The following KMT2B variants were observed in gnomAD, a reference collection of about 807,000 sequenced individuals.
The protein encoded by KMT2B is histone-lysine N-methyltransferase 2B.
In KMT2B, 22 loss-of-function variants were observed where a neutral mutation model predicts 255.3. The ratio of observed to expected loss-of-function variants is 0.09; its 90% confidence interval spans 0.06 to 0.12. KMT2B has a LOEUF of 0.12. KMT2B is among the 10% of genes least tolerant of loss of function. KMT2B has a pLI of 1.00. For synonymous variants in KMT2B, 1,730 were observed against 1,498.1 expected (o/e 1.15, Z -3.57); for missense variants, 3,149 against 3,737.0 (o/e 0.84, Z 4.10).
At position 35,721,141 on chromosome 19, in the gene KMT2B, G is replaced by A. The variant is rs1467273377; in HGVS notation, c.1794G>A (p.Glu598=). 6 of 1,601,086 alleles carry A rather than the reference G, an allele frequency of 3.7e-6. No individual in the cohort carries two copies. Among genetic ancestry groups the A allele is most frequent in the Admixed American group, 1.7e-5 (1 of 58,764 alleles). The change falls in exon 3 of 37, where the codon GAG becomes GAA. Residue 598 remains glutamate, a synonymous_variant. Transcript: ENST00000420124. ...TPPSTPVPLP[E]KRRSILREPT... is the part of the protein sequence containing the mutation. ...CATCTACCCCAGTTCCACTCCCTGA[G>A]AAGAGACGGTCCATCCTAAGGGAAC...
Position 35,725,948 on chromosome 19 carries a change from T to C in KMT2B, c.3885+130T>C, listed in dbSNP as rs1969421788. On this transcript the variant is annotated intron_variant, in intron 13 of 36. Coordinates refer to ENST00000420124, the MANE Select transcript of KMT2B (RefSeq NM_014727.3). The surrounding 1 kb of genome is among the most constrained non-coding windows in gnomAD (Gnocchi z 4.1). ...CCTCTTAAGAATTGATTAGTAATGT[T>C]TCCTCTTCAAAAATTTCACATAGGT... 2 of 782,928 alleles carry C rather than the reference T, an allele frequency of 2.6e-6. No homozygotes were observed. Among genetic ancestry groups the C allele is most frequent in the Non-Finnish European group, 4.2e-6 (2 of 476,356 alleles). 48.5% of individuals were successfully genotyped at this position (782,928 alleles called of 1,614,324 possible).
rs775613758 is a variant in KMT2B, at chr19:35,738,335, G to A, written c.7926G>A (p.Thr2642=). The change falls in exon 37 of 37, where the codon ACG becomes ACA. Residue 2642 remains threonine (T), a synonymous_variant. Transcript: ENST00000420124. This position sits in a 1 kb window ranked among gnomAD's most constrained non-coding sequence, Gnocchi z 8.7. ...RMDDFDVVDA[T]MHGNAARFIN... is the part of the protein sequence containing the mutation. ...ATGACTTTGATGTAGTGGACGCCAC[G>A]ATGCATGGCAATGCCGCCCGCTTCA... is the stretch of plus-strand genomic sequence containing the variant. The A allele has an allele frequency of 6.2e-6, 10 of 1,613,796 alleles. No individual in the cohort carries two copies. Among genetic ancestry groups the A allele is most frequent in the East Asian group, 4.5e-5 (2 of 44,888 alleles).
chr19:35,723,649 T>C lies in KMT2B; in HGVS notation c.3059-83T>C. On this transcript the variant is annotated intron_variant, in intron 7 of 36. Transcript: ENST00000420124. This position sits in a 1 kb window ranked among gnomAD's most constrained non-coding sequence, Gnocchi z 7.5. ...TTTCATAGCTCCTGCGTTCATTCCC[T>C]GCCCCGCTTCTTTCTGGCTTCTCTC... 1 of 1,347,472 alleles carries C rather than the reference T, an allele frequency of 7.4e-7. No individual in the cohort carries two copies. The highest frequency in any genetic ancestry group is 1.0e-6 in the Non-Finnish European group (1 of 992,994). 83.5% of individuals were successfully genotyped at this position (1,347,472 alleles called of 1,614,324 possible).
Position 35,725,650 on chromosome 19 carries a change from G to A in KMT2B, c.3789+25G>A, listed in dbSNP as rs199651836. 6.5e-5 allele frequency: 105 copies of A among 1,612,518 alleles called. 1 individual carries two copies. In the East Asian group the frequency reaches 2.3e-3, roughly 35 times the overall value. The stretch of plus-strand genomic sequence containing the variant: ...GGTTTGGGCCCAAGGGCTGGCCAGG[G>A]TGGGTGGAGGCCTGAAGGTGAGGGC... On this transcript the variant is annotated intron_variant, in intron 12 of 36. Coordinates refer to ENST00000420124, the MANE Select transcript of KMT2B (RefSeq NM_014727.3). This position sits in a 1 kb window ranked among gnomAD's most constrained non-coding sequence, Gnocchi z 4.1.
intron 9 of KMT2B, 32 bp downstream of exon 9, chr19:35,724,763 C>T (rs772144457): frequency 9.1e-5 from 140 of 1,536,898 alleles, no homozygotes; most frequent in South Asian, 2.1e-4. Flanking sequence ...AGCCCCTTCC[C>T]TCCAGGAGCT....
Position 35,723,040 on chromosome 19 carries a change from G to T in KMT2B, c.2768G>T (p.Arg923Leu). 6.2e-7 allele frequency: 1 copy of T among 1,611,060 alleles called. No individual in the cohort carries two copies. The highest frequency in any genetic ancestry group is 1.7e-4 in the Middle Eastern group (1 of 6,022). ...ACTGAGAGTGTCCCGTCACGGTCCC[G>T]GCGGGGAAAGGTGGAGGCAGCAGGC... ...SETESVPSRS[R>L]RGKVEAAGPG... is the part of the protein sequence containing the mutation. Residue 923 changes from arginine (R) to leucine (L), a missense_variant, in exon 6 of 37, where the codon CGG becomes CTG. By Grantham distance (102) the Arg-to-Leu change is moderately radical (BLOSUM62 -2). Coordinates refer to ENST00000420124, the MANE Select transcript of KMT2B (RefSeq NM_014727.3). The surrounding 1 kb of genome is among the most constrained non-coding windows in gnomAD (Gnocchi z 7.5).
In KMT2B at chr19:35,720,224, A is replaced by G. The variant is rs755577358; in HGVS notation, c.877A>G (p.Arg293Gly). ...GTCAAGCCGTGGAGGCCGTGGAGGC[A>G]GGGGCCGCGGCCGAGGTGGTGGGCT... ...GQSSRGGRGG[R>G]GRGRGGGLPF... The change falls in exon 3 of 37, where the codon AGG becomes GGG. Residue 293 changes from arginine to glycine, a missense_variant. Arg to Gly is a moderately radical substitution (Grantham distance 125). Transcript: ENST00000420124. 1 of 1,610,890 alleles carries G rather than the reference A, an allele frequency of 6.2e-7. No individual in the cohort carries two copies. The highest frequency in any genetic ancestry group is 1.7e-5 in the Admixed American group (1 of 59,662).
chr19:35,725,147 G>A lies in KMT2B; in HGVS notation c.3528+60G>A. ...TGGTTGGAAGAACCTCGATGACTGT[G>A]TCATCGAGAAGCCAGGTGGGTCTGC... On this transcript the variant is annotated intron_variant, in intron 10 of 36. Transcript: ENST00000420124. The surrounding 1 kb of genome is among the most constrained non-coding windows in gnomAD (Gnocchi z 4.1). 1.3e-6 allele frequency: 2 copies of A among 1,574,860 alleles called. No homozygotes were observed. The highest frequency in any genetic ancestry group is 1.7e-6 in the Non-Finnish European group (2 of 1,144,798).
At position 35,730,766 on chromosome 19, in the gene KMT2B, G is replaced by A. The variant is rs779863547; in HGVS notation, c.5336G>A (p.Arg1779Gln). 2 of 1,613,696 alleles carry A rather than the reference G, an allele frequency of 1.2e-6. No homozygotes were observed. The highest frequency in any genetic ancestry group is 8.5e-7 in the Non-Finnish European group (1 of 1,179,898). Reference protein sequence around the residue: ...DARRRCWYRCRILEYRPWGPR... With the variant: ...DARRRCWYRCQILEYRPWGPR... ...CGGAGGCGCTGCTGGTATCGGTGCC[G>A]AATTCTGGAGTATCGGCCATGGGGG... Residue 1779 changes from arginine to glutamine, a missense_variant, in exon 26 of 37, where the codon CGA (arginine) becomes CAA (glutamine). Coordinates refer to ENST00000420124, the MANE Select transcript of KMT2B (RefSeq NM_014727.3).
Position 35,720,135 on chromosome 19 carries a change from C to T in KMT2B, c.788C>T (p.Thr263Ile). 6.3e-7 allele frequency: 1 copy of T among 1,598,992 alleles called. No homozygotes were observed. Among genetic ancestry groups the T allele is most frequent in the Admixed American group, 1.7e-5 (1 of 57,222 alleles). ...PPPVVPVKHQ[T>I]GSWKCKEGPG... ...CCTGTGGTTCCAGTGAAACATCAGACTGGCAGCTGGAAATGCAAGGAGGGG... is the reference window on the plus strand; with the variant it reads ...CCTGTGGTTCCAGTGAAACATCAGATTGGCAGCTGGAAATGCAAGGAGGGG... The change falls in exon 3 of 37, where the codon ACT becomes ATT. Residue 263 changes from threonine to isoleucine, a missense_variant. Physicochemically the swap from Thr to Ile is moderately conservative, Grantham distance 89 (BLOSUM62 -1). Around this residue, in one of 18 missense-constraint regions of KMT2B, gnomAD observed 1,188 missense variants for 1,106.4 expected, o/e 1.07. Transcript: ENST00000420124.
In KMT2B at chr19:35,726,901, T is replaced by A. The variant is rs112344809; in HGVS notation, c.4004-255T>A. ...CGGGAGGCTGAGGCAGGAGAATCGC[T>A]TGAACCCGGGAGGCGGAGGTTGCAG... On this transcript the variant is annotated intron_variant, in intron 14 of 36. Coordinates refer to ENST00000420124, the MANE Select transcript of KMT2B (RefSeq NM_014727.3). Among the ~76,000 whole-genome samples, 2,285 of 150,998 alleles carry A rather than the reference T, an allele frequency of 0.015. 35 individuals are homozygous for A. Among genetic ancestry groups the A allele is most frequent in the Middle Eastern group, 0.055 (16 of 292 alleles).
Position 35,720,672 on chromosome 19 carries a change from C to A in KMT2B, c.1325C>A (p.Pro442Gln). 2 of 1,480,012 alleles carry A rather than the reference C, an allele frequency of 1.4e-6. No individual in the cohort carries two copies. The highest frequency in any genetic ancestry group is 2.8e-5 in the South Asian group (2 of 70,576). 91.7% of individuals were successfully genotyped at this position (1,480,012 alleles called of 1,614,324 possible). The part of the protein sequence containing the change: ...PPPPVSPPPL[P>Q]SPPPPPAQEE... ...CCCCCAGTGTCCCCACCACCTCTACCATCCCCTCCACCGCCTCCTGCCCAA... is the reference window on the plus strand; with the variant it reads ...CCCCCAGTGTCCCCACCACCTCTACAATCCCCTCCACCGCCTCCTGCCCAA... The change falls in exon 3 of 37, where the codon CCA becomes CAA. Residue 442 changes from proline to glutamine, a missense_variant. By Grantham distance (76) the Pro-to-Gln change is moderately conservative. Coordinates refer to ENST00000420124, the MANE Select transcript of KMT2B (RefSeq NM_014727.3).
chr19:35,726,295 C>T lies in KMT2B; in HGVS notation c.3945C>T (p.Asp1315=), dbSNP rs1253690511. Residue 1315 remains aspartate, a synonymous_variant, in exon 14 of 37, where the codon GAC becomes GAT. Coordinates refer to ENST00000420124, the MANE Select transcript of KMT2B (RefSeq NM_014727.3). ...SCGATPGKNW[D]VEWSGDYSLC... The stretch of plus-strand genomic sequence containing the variant: ...GGGCAACTCCAGGCAAGAACTGGGA[C>T]GTCGAGTGGTCTGGAGATTACAGCC... The T allele has an allele frequency of 7.4e-6, 12 of 1,613,836 alleles. No individual in the cohort carries two copies. The highest frequency in any genetic ancestry group is 3.3e-5 in the Admixed American group (2 of 60,024).
Position 35,721,715 on chromosome 19 carries a change from GAGA to G in KMT2B, c.2372_2374del (p.Lys791del), listed in dbSNP as rs1485125839. ...TTCCTTGCCGCTGTCTGGGGTAGAG[GAGA>G]AGATGTTCAGCCTCCTCAAGAGAGC... On this transcript the variant is annotated inframe_deletion, in exon 3 of 37. Coordinates refer to ENST00000420124, the MANE Select transcript of KMT2B (RefSeq NM_014727.3). The G allele has an allele frequency of 5.0e-6, 8 of 1,610,648 alleles. No homozygotes were observed. The highest frequency in any genetic ancestry group is 5.9e-6 in the Non-Finnish European group (7 of 1,178,386).
intron 22 of KMT2B, 93 bp downstream of exon 22, chr19:35,729,389 G>C: frequency 2.0e-6 from 3 of 1,480,012 alleles, no homozygotes; most frequent in Admixed American, 2.0e-5. Flanking sequence ...TTCCCTACCT[G>C]GCATCCTTTC....
At chr19:35,735,469 C>G (rs2146476320) in intron 30 of KMT2B, 1 of 152,476 alleles carries the variant, frequency 6.6e-6, no homozygotes, top group South Asian at 2.1e-4. Context: ...TGCCTCCTTG[C>G]TCACAGCTGT....
chr19:35,726,171 G>A (rs763914213), intron 13 of KMT2B, 65 bp from the exon 14 acceptor site: 296 of 1,242,328 alleles, frequency 2.4e-4, no homozygotes, highest in Non-Finnish European at 3.0e-4. Flanking sequence ...CTCCTCGCCC[G>A]TCTCCCGCTC....
rs1457597465 is a variant in KMT2B, at chr19:35,723,925, C to T, written c.3252C>T (p.Pro1084=). 6.2e-7 allele frequency: 1 copy of T among 1,612,360 alleles called. No individual in the cohort carries two copies. Among genetic ancestry groups the T allele is most frequent in the Non-Finnish European group, 8.5e-7 (1 of 1,179,700 alleles). Residue 1084 remains proline, a synonymous_variant, in exon 8 of 37, where the codon CCC becomes CCT. Transcript: ENST00000420124. This position sits in a 1 kb window ranked among gnomAD's most constrained non-coding sequence, Gnocchi z 7.5. The part of the protein sequence containing the change: ...KSARRCVKQR[P]SYDIFEDSDD... ...CTCGGCGCTGCGTCAAACAGCGACCCTCCTATGATATCTTCGAGGATTCGG... is the reference window on the plus strand; with the variant it reads ...CTCGGCGCTGCGTCAAACAGCGACCTTCCTATGATATCTTCGAGGATTCGG...
Position 35,718,475 on chromosome 19 carries a change from G to A in KMT2B, c.363+94G>A, listed in dbSNP as rs1157099466. ...TCCCGGGGGCGGCGTGGGCAGGCCG[G>A]GTCCTCAGGGTTCCTTCGGAGAGAC... On this transcript the variant is annotated intron_variant, in intron 1 of 36. Transcript: ENST00000420124. The surrounding 1 kb of genome is among the most constrained non-coding windows in gnomAD (Gnocchi z 5.0). The A allele has an allele frequency of 3.4e-6, 4 of 1,179,866 alleles. No homozygotes were observed. Among genetic ancestry groups the A allele is most frequent in the Admixed American group, 4.5e-5 (1 of 22,106 alleles). 73.1% of individuals were successfully genotyped at this position (1,179,866 alleles called of 1,614,324 possible). A position where few individuals can be genotyped will look rare whatever the true frequency, so the allele number is the denominator to read the frequency against.
Sources: gnomAD v4.1 joint callset for allele counts (sites outside exome capture counted in the v4.1 genomes callset) on GRCh38, gnomAD v4.1.1 for gene constraint, gnomAD v4.1.1 regional missense constraint, Gnocchi (gnomAD v3.1) non-coding constraint, MANE v1.5 for transcripts, NCBI Gene and HGNC (gene_info 2026-07-23, HGNC 2026-07-21) for gene names.